Variants in RUNX1 observed in about 807,000 individuals in gnomAD.
RUNX1 encodes the protein RUNX family transcription factor 1.
RUNX1 carries 19 observed loss-of-function variants against 42.8 expected under a neutral mutation model. The observed-to-expected ratio is 0.44, with a 90% CI of 0.31 to 0.65. RUNX1 has a LOEUF of 0.65. Among genes scored for constraint, RUNX1 ranks in the 30% least tolerant of loss-of-function variants. RUNX1 has a pLI of 0.07. For synonymous variants in RUNX1, 271 were observed against 289.4 expected (o/e 0.94, Z 0.64); for missense variants, 528 against 672.0 (o/e 0.79, Z 2.37).
chr21:34,887,138 C>A, intron 3 of RUNX1, 42 bp from the exon 4 acceptor site: 1 of 1,597,752 alleles, frequency 6.3e-7, no homozygotes, highest in Non-Finnish European at 8.5e-7. Context: ...GAGTTAGGAC[C>A]CTGCAAACAG....
intron 2 of RUNX1, among the ~76,000 whole-genome samples, chr21:35,048,101 T>C (rs2059414055): frequency 6.6e-6 from 1 of 152,228 alleles, no homozygotes; most frequent in South Asian, 2.1e-4. Flanking sequence ...GCTGCGAGAA[T>C]GCTTAACTCG....
At chr21:34,852,369 G>A (rs1402170063) in intron 6 of RUNX1, among the ~76,000 whole-genome samples, 1 of 151,942 alleles carries the variant, frequency 6.6e-6, no homozygotes, top group Non-Finnish European at 1.5e-5. Context: ...TCACCCCAGG[G>A]GCCCTTTCAG....
chr21:34,845,354 G>A (rs1340463316), intron 6 of RUNX1, among the ~76,000 whole-genome samples: 3 of 152,182 alleles, frequency 2.0e-5, no homozygotes, highest in African/African-American at 4.8e-5. Flanking sequence ...AAGGATGGAC[G>A]CCCAGGACAG....
At chr21:34,885,196 G>A (rs1410558332) in intron 4 of RUNX1, among the ~76,000 whole-genome samples, 1 of 152,094 alleles carries the variant, frequency 6.6e-6, no homozygotes. Context: ...ATCTCTTAGA[G>A]CCCTAGTGCA....
intron 2 of RUNX1, among the ~76,000 whole-genome samples, chr21:34,938,834 T>C (rs1601591365): frequency 6.6e-6 from 1 of 152,194 alleles, no homozygotes; most frequent in Non-Finnish European, 1.5e-5. Context: ...AACCTTCTGA[T>C]AGTAACTTTT....
Position 35,047,547 on chromosome 21 carries a change from ACACACACACACACACTCTCT to A in RUNX1, c.58+1275_58+1294del, listed in dbSNP as rs765802833. Among the ~76,000 whole-genome samples, 418 of 123,224 alleles carry A rather than the reference ACACACACACACACACTCTCT, an allele frequency of 3.4e-3. 1 individual carries two copies. Among genetic ancestry groups the A allele is most frequent in the African/African-American group, 0.012 (377 of 31,914 alleles). 80.8% of individuals were successfully genotyped at this position (123,224 alleles called of 152,430 possible). A position where few individuals can be genotyped will look rare whatever the true frequency, so the allele number is the denominator to read the frequency against. On this transcript the variant is annotated intron_variant, in intron 2 of 8. Coordinates refer to ENST00000675419, the MANE Select transcript of RUNX1 (RefSeq NM_001754.5). ...CACACACACACACACACACACACAC[ACACACACACACACACTCTCT>A]CTCTCTCTCTCTCTCTCTCTCTCTC... is the stretch of plus-strand genomic sequence containing the variant.
chr21:34,799,542 C>T (rs894129960), intron 7 of RUNX1, 80 bp from the exon 8 acceptor site: 8 of 1,317,038 alleles, frequency 6.1e-6, no homozygotes, highest in African/African-American at 4.4e-5. Flanking sequence ...AATGAGTGGC[C>T]CTTGTTCAAA....
chr21:34,888,867 G>A (rs1164944110), intron 3 of RUNX1, among the ~76,000 whole-genome samples: 1 of 151,394 alleles, frequency 6.6e-6, no homozygotes, highest in East Asian at 1.9e-4. Flanking sequence ...CCCCGCCGCC[G>A]CGCCGCGCGC....
chr21:34,998,961 C>G (rs1946527403), intron 2 of RUNX1, among the ~76,000 whole-genome samples: 1 of 152,220 alleles, frequency 6.6e-6, no homozygotes. Context: ...AGGAGCCAGC[C>G]TAGACTGCTC....
chr21:34,830,491 T>A (rs2057048143), intron 7 of RUNX1, among the ~76,000 whole-genome samples: 2 of 152,178 alleles, frequency 1.3e-5, no homozygotes, highest in African/African-American at 2.4e-5. Flanking sequence ...GAATGCCAAG[T>A]GAGTGGATAG....
At chr21:35,035,390 C>T (rs1263645494) in intron 2 of RUNX1, among the ~76,000 whole-genome samples, 1 of 152,202 alleles carries the variant, frequency 6.6e-6, no homozygotes, top group Non-Finnish European at 1.5e-5. Flanking sequence ...CACCCTGTCA[C>T]ATCACAGAGA....
In RUNX1 at chr21:34,792,370, TA is replaced by T; in HGVS notation, c.1207del (p.Tyr403ThrfsTer191). On this transcript the variant is annotated frameshift_variant, in exon 9 of 9. Transcript: ENST00000675419. LOFTEE classifies it high-confidence loss of function. The surrounding 1 kb of genome is among the most constrained non-coding windows in gnomAD (Gnocchi z 6.9). ...GGCCGAGGCGCCGTAGTACAGGTGG[TA>T]GGAGGGCGAGCTGGCTTGGAACGGG... Reference protein sequence around the residue: ...GGPFQASSPSYHLYYGASAGS... With the variant: ...GGPFQASSPSXHLYYGASAGS... 1 of 1,541,754 alleles carries T rather than the reference TA, an allele frequency of 6.5e-7. No individual in the cohort carries two copies. Among genetic ancestry groups the T allele is most frequent in the Admixed American group, 2.0e-5 (1 of 50,954 alleles).
At chr21:35,046,485 C>T (rs572112405) in intron 2 of RUNX1, among the ~76,000 whole-genome samples, 6 of 152,314 alleles carry the variant, frequency 3.9e-5, no homozygotes, top group Admixed American at 6.5e-5. Flanking sequence ...AAATTATAGG[C>T]AGCCAGAAGT....
At chr21:34,972,587 G>C (rs1331369391) in intron 2 of RUNX1, among the ~76,000 whole-genome samples, 1 of 152,162 alleles carries the variant, frequency 6.6e-6, no homozygotes, top group Non-Finnish European at 1.5e-5. Flanking sequence ...CTATTTGATA[G>C]AATTCTGTTG....
At chr21:34,887,271 A>T (rs1335035263) in intron 3 of RUNX1, 175 bp from the exon 4 acceptor site, 271 of 1,413,342 alleles carry the variant, frequency 1.9e-4, no homozygotes, top group Non-Finnish European at 2.5e-4. Flanking sequence ...TTAGGGGAGG[A>T]GGGAGACTAA....
At chr21:34,955,675 T>G (rs1446869023) in intron 2 of RUNX1, among the ~76,000 whole-genome samples, 5 of 152,218 alleles carry the variant, frequency 3.3e-5, no homozygotes, top group Non-Finnish European at 5.9e-5. Context: ...ACTCCCAGGC[T>G]TTCCGAAGGT....
intron 2 of RUNX1, among the ~76,000 whole-genome samples, chr21:35,025,467 A>G (rs1025496608): frequency 6.6e-6 from 1 of 152,172 alleles, no homozygotes; most frequent in Non-Finnish European, 1.5e-5. Flanking sequence ...CAAGTTCCCC[A>G]ACAGGCTATG....
chr21:34,941,496 A>G (rs2058526270), intron 2 of RUNX1, among the ~76,000 whole-genome samples: 1 of 151,952 alleles, frequency 6.6e-6, no homozygotes. Context: ...TGTGAGACAC[A>G]AAGACCTACA....
chr21:35,010,512 C>T (rs1455056780), intron 2 of RUNX1, among the ~76,000 whole-genome samples: 2 of 152,066 alleles, frequency 1.3e-5, no homozygotes, highest in African/African-American at 2.4e-5. Context: ...CTCTCTCTTC[C>T]TAGCTTCTGT....
Sources: allele counts gnomAD v4.1 joint callset (sites outside exome capture counted in the v4.1 genomes callset), GRCh38; gene constraint gnomAD v4.1.1; non-coding constraint Gnocchi (gnomAD v3.1); transcripts MANE v1.5; gene names NCBI Gene and HGNC (gene_info 2026-07-23, HGNC 2026-07-21).